The following ANK2 variants were observed in gnomAD, a reference collection of about 807,000 sequenced individuals.
ANK2 encodes ankyrin-2.
A neutral mutation model predicts 360.5 loss-of-function variants in ANK2; 83 were observed. The ratio of observed to expected loss-of-function variants is 0.23; its 90% CI spans 0.19 to 0.28. The LOEUF is 0.28. ANK2 is among the 10% of genes least tolerant of loss of function. The probability of loss-of-function intolerance (pLI) is 1.00; values close to 1 mark genes in which losing one functional copy is unlikely to be tolerated. For synonymous variants in ANK2, 1,740 were observed against 1,759.5 expected, an observed-to-expected ratio of 0.99 and a Z score of 0.28; for missense variants, 4,201 against 4,795.7, an observed-to-expected ratio of 0.88 and a Z score of 3.66.
At chr4:113,114,419 G>A (rs760663057) in intron 1 of ANK2, among the ~76,000 whole-genome samples, 3 of 152,116 alleles carry the variant, frequency 2.0e-5, no homozygotes, top group South Asian at 4.1e-4. Flanking sequence ...TGTGCAATGC[G>A]TATGTCGGTC....
chr4:113,037,654 C>T (rs191073098), intron 2 of ANK2, among the ~76,000 whole-genome samples: 2 of 152,026 alleles, frequency 1.3e-5, no homozygotes, highest in East Asian at 3.9e-4. Flanking sequence ...AATTTGGATA[C>T]TCTCCAGGTC....
At chr4:112,796,431 A>T in the ANK2 span, among the ~76,000 whole-genome samples, 1 of 144,202 alleles carries the variant, frequency 6.9e-6, no homozygotes, top group Non-Finnish European at 1.5e-5. Context: ...CTCAAAAAAA[A>T]ATATCTATAT....
At chr4:113,255,480 T>C (rs1048860762) in intron 10 of ANK2, among the ~76,000 whole-genome samples, 3 of 152,228 alleles carry the variant, frequency 2.0e-5, no homozygotes, top group African/African-American at 7.2e-5. Flanking sequence ...TCAGGCTAAA[T>C]TGCCACACAT....
rs114178930 is a variant in ANK2, at chr4:113,225,424, A to G, written c.385-6737A>G. On this transcript the variant is annotated intron_variant, in intron 4 of 45. Coordinates refer to ENST00000357077, the MANE Select transcript of ANK2 (RefSeq NM_001148.6). ...GGTGCTATAAAGACTGTTGAAAATG[A>G]ATAGTCACATTTACTCTTATATTAA... Among the ~76,000 whole-genome samples the G allele has an allele frequency of 7.5e-3, 1,147 of 152,290 alleles. 18 individuals are homozygous for G. The highest frequency in any genetic ancestry group is 0.026 in the African/African-American group (1,097 of 41,572).
intron 2 of ANK2, among the ~76,000 whole-genome samples, chr4:113,193,369 G>A (rs1018714140): frequency 1.3e-5 from 2 of 152,164 alleles, no homozygotes; most frequent in African/African-American, 4.8e-5. Context: ...CGCATTGTGT[G>A]CTTTGCTTTT....
chr4:113,145,247 AG>A (rs1482232829), intron 1 of ANK2, among the ~76,000 whole-genome samples: 1 of 152,214 alleles, frequency 6.6e-6, no homozygotes, highest in Non-Finnish European at 1.5e-5. Context: ...GAACGGTAAA[AG>A]GATGGCTAAT....
At position 112,829,171 on chromosome 4, in the gene ANK2, G is replaced by A. The variant is rs75608044; in HGVS notation, c.-40+10907G>A. Among the ~76,000 whole-genome samples the A allele has an allele frequency of 9.1e-3, 1,384 of 152,118 alleles. 20 individuals are homozygous for A. Among genetic ancestry groups the A allele is most frequent in the African/African-American group, 0.032 (1,320 of 41,478 alleles). On this transcript the variant is annotated intron_variant, in intron 1 of 30. Coordinates refer to the ANK2 transcript ENST00000503271. ...CTGTCTCAAAAATATAAATGAATGA[G>A]TGAATGAATGAATGAATGAATAAAA... is the stretch of plus-strand genomic sequence containing the variant.
chr4:112,958,013 C>T lies in ANK2; in HGVS notation c.21+53499C>T, dbSNP rs187200465. On this transcript the variant is annotated intron_variant, in intron 2 of 30. Transcript: ENST00000503271. ...CAGACGATGGGCGGCGGGGCAGAGA[C>T]GCTCCTCACTTCCTAGATGGGTTGG... Among the ~76,000 whole-genome samples, 498 of 150,092 alleles carry T rather than the reference C, an allele frequency of 3.3e-3. 6 individuals are homozygous for T. The highest frequency in any genetic ancestry group is 0.012 in the African/African-American group (468 of 40,642).
intron 1 of ANK2, among the ~76,000 whole-genome samples, chr4:113,133,069 A>G (rs1432902555): frequency 6.6e-6 from 1 of 152,194 alleles, no homozygotes; most frequent in Non-Finnish European, 1.5e-5. Flanking sequence ...CAAGAGAAAA[A>G]TGGAGTTATA....
At chr4:112,752,577 T>A in the ANK2 span, among the ~76,000 whole-genome samples, 1 of 151,530 alleles carries the variant, frequency 6.6e-6, no homozygotes, top group Non-Finnish European at 1.5e-5. Context: ...GAGACAGGGA[T>A]CTGTTGATGT....
chr4:113,251,861 A>G (rs979726103), intron 10 of ANK2, among the ~76,000 whole-genome samples: 2 of 152,150 alleles, frequency 1.3e-5, no homozygotes, highest in African/African-American at 2.4e-5. Flanking sequence ...TAAAAAATAG[A>G]GATATGTATA....
intron 45 of ANK2, among the ~76,000 whole-genome samples, chr4:113,379,404 T>G (rs2097088817): frequency 6.6e-6 from 1 of 152,236 alleles, no homozygotes; most frequent in Non-Finnish European, 1.5e-5. Context: ...TACAGAACTC[T>G]ATTTATGATG....
intron 39 of ANK2, 23 bp from the exon 40 acceptor site, chr4:113,363,315 C>CA (rs753094449): frequency 6.2e-7 from 1 of 1,610,506 alleles, no homozygotes; most frequent in Non-Finnish European, 8.5e-7. Context: ...AATGTGTTTA[C>CA]AAAGTAGTAT....
chr4:113,380,789 G>A (rs764054291), intron 45 of ANK2, among the ~76,000 whole-genome samples: 3 of 152,182 alleles, frequency 2.0e-5, no homozygotes, highest in Non-Finnish European at 4.4e-5. Context: ...TGGAGAATCC[G>A]GAGGAAGCAG....
chr4:113,364,497 A>G (rs1195295410), intron 40 of ANK2, among the ~76,000 whole-genome samples: 2 of 152,218 alleles, frequency 1.3e-5, no homozygotes, highest in Non-Finnish European at 2.9e-5. Context: ...CTCAAACCCT[A>G]ATATTTTTAA....
chr4:112,945,400 T>C lies in ANK2; in HGVS notation c.21+40886T>C, dbSNP rs556973586. Among the ~76,000 whole-genome samples, 3 of 152,264 alleles carry C rather than the reference T, an allele frequency of 2.0e-5. No individual in the cohort carries two copies. In the East Asian group the frequency reaches 5.8e-4, roughly 29 times the overall value. On this transcript the variant is annotated intron_variant, in intron 2 of 30. Coordinates refer to the ANK2 transcript ENST00000503271. Reference sequence around the variant, plus strand: ...TCTGACTACCATTTAGTATCAAGATTTTAAAAGTAATAATTAGGTGAGGAA... The same window carrying C: ...TCTGACTACCATTTAGTATCAAGATCTTAAAAGTAATAATTAGGTGAGGAA...
intron 1 of ANK2, among the ~76,000 whole-genome samples, chr4:113,051,031 T>C (rs987275311): frequency 4.6e-5 from 7 of 152,182 alleles, no homozygotes; most frequent in African/African-American, 1.7e-4. Context: ...TGATACAATC[T>C]GATAACAGGC....
At chr4:112,757,884 GA>G in the ANK2 span, among the ~76,000 whole-genome samples, 2 of 87,620 alleles carry the variant, frequency 2.3e-5, no homozygotes, top group African/African-American at 1.0e-4. Flanking sequence ...TCTAAAGATG[GA>G]TTTTTTTTTT....
At chr4:112,845,606 T>C (rs2063114788) in intron 1 of ANK2, among the ~76,000 whole-genome samples, 1 of 152,116 alleles carries the variant, frequency 6.6e-6, no homozygotes, top group African/African-American at 2.4e-5. Flanking sequence ...TGAATGGAAG[T>C]GTTCTAACTG....
Sources: gnomAD v4.1 joint callset for allele counts (sites outside exome capture counted in the v4.1 genomes callset) on GRCh38, gnomAD v4.1.1 for gene constraint, MANE v1.5 for transcripts, NCBI Gene and HGNC (gene_info 2026-07-23, HGNC 2026-07-21) for gene names.